The following NMBR variants were observed in gnomAD, a reference collection of about 807,000 sequenced individuals.
NMBR encodes neuromedin B receptor.
Under a neutral mutation model 20.5 loss-of-function variants are expected in NMBR, and 16 were observed. The ratio of observed to expected loss-of-function variants is 0.78; its 90% CI spans 0.53 to 1.19. The LOEUF is 1.19. Among genes scored for constraint, NMBR ranks in the 50% most tolerant of loss-of-function variants. NMBR has a pLI of 0.00. For missense variants in NMBR, 582 were observed against 499.1 expected (o/e 1.17, Z -1.58); for synonymous variants, 212 against 196.6 (o/e 1.08, Z -0.65).
At chr6:142,088,161 G>T in intron 2 of NMBR, 76 bp downstream of exon 2, 1 of 1,433,734 alleles carries the variant, frequency 7.0e-7, no homozygotes, top group Non-Finnish European at 9.5e-7. Context: ...GCCAGTAGGT[G>T]CACTCCGGGT....
intron 1 of NMBR, among the ~76,000 whole-genome samples, chr6:142,125,669 A>T (rs1376970260): frequency 1.3e-5 from 2 of 151,896 alleles, no homozygotes; most frequent in Non-Finnish European, 2.9e-5. Context: ...AACACATAGA[A>T]CAGCACAGCT....
At chr6:142,113,125 G>T (rs945639100) in intron 1 of NMBR, among the ~76,000 whole-genome samples, 1 of 151,570 alleles carries the variant, frequency 6.6e-6, no homozygotes, top group Non-Finnish European at 1.5e-5. Context: ...CTACTTTTAG[G>T]CTCAATTAAG....
chr6:142,145,009 G>A (rs1778407742), intron 1 of NMBR, among the ~76,000 whole-genome samples: 1 of 105,794 alleles, frequency 9.5e-6, no homozygotes, highest in African/African-American at 3.7e-5. Flanking sequence ...GTGACAGAGT[G>A]AGAACCTGTC....
intron 1 of NMBR, among the ~76,000 whole-genome samples, chr6:142,095,059 C>A (rs1777417664): frequency 6.6e-6 from 1 of 152,112 alleles, no homozygotes; most frequent in Non-Finnish European, 1.5e-5. Context: ...TGGGCTGAGA[C>A]AATGGGGTTT....
chr6:142,101,792 T>TA (rs1777570453), intron 1 of NMBR, among the ~76,000 whole-genome samples: 1 of 152,138 alleles, frequency 6.6e-6, no homozygotes, highest in African/African-American at 2.4e-5. Flanking sequence ...CTTCAGGCCT[T>TA]AGCACCACTC....
chr6:142,107,813 A>G (rs1777687207), intron 1 of NMBR, among the ~76,000 whole-genome samples: 1 of 152,074 alleles, frequency 6.6e-6, no homozygotes, highest in South Asian at 2.1e-4. Flanking sequence ...ACTAAAGAAC[A>G]CCATAAAGAA....
In NMBR at chr6:142,085,241, C is replaced by T. The variant is rs138637611; in HGVS notation, c.422+2996G>A. ...GTTGAGGATTAATAATCACAGACAC[C>T]AGCTAGGAGCAGTGGCTCACACTTG... On this transcript the variant is annotated intron_variant, in intron 2 of 3. Transcript: ENST00000258042. Among the ~76,000 whole-genome samples the T allele has an allele frequency of 2.4e-4, 36 of 152,176 alleles. No individual in the cohort carries two copies. In the East Asian group the frequency reaches 5.2e-3, roughly 22 times the overall value.
At chr6:142,145,119 A>G (rs1002002263) in intron 1 of NMBR, among the ~76,000 whole-genome samples, 2 of 151,900 alleles carry the variant, frequency 1.3e-5, no homozygotes, top group East Asian at 1.9e-4. Flanking sequence ...GTAAAATCCA[A>G]CTCCAACCAT....
At chr6:142,140,749 T>G (rs1039975205) in intron 1 of NMBR, among the ~76,000 whole-genome samples, 6 of 152,182 alleles carry the variant, frequency 3.9e-5, no homozygotes. Flanking sequence ...AGATGTATCA[T>G]GCAAATCCTA....
chr6:142,128,117 G>A (rs1778070387), intron 1 of NMBR, among the ~76,000 whole-genome samples: 2 of 151,946 alleles, frequency 1.3e-5, no homozygotes, highest in Admixed American at 6.6e-5. Context: ...GTGAGTGCTC[G>A]TGAGATCTGG....
At chr6:142,112,450 A>T (rs907910266) in intron 1 of NMBR, among the ~76,000 whole-genome samples, 4 of 129,240 alleles carry the variant, frequency 3.1e-5, no homozygotes, top group Admixed American at 3.0e-4. Context: ...AGAAACAATA[A>T]ACATTATGCT....
rs889899786 is a variant in NMBR, at chr6:142,075,797, C to T, written c.1024G>A (p.Gly342Arg). ...CCTCTCTCTTGATAGGACTTCCTCC[C>T]ACAGCAGAGTTGGCTGTTGAAATGC... is the stretch of plus-strand genomic sequence containing the variant. The part of the protein sequence containing the change: ...RRHFNSQLCC[G>R]RKSYQERGTS... The change falls in exon 4 of 4, where the codon GGG (glycine) becomes AGG (arginine). Residue 342 changes from glycine (G) to arginine (R), a missense_variant. By Grantham distance (125) the Gly-to-Arg change is moderately radical (BLOSUM62 -2). Coordinates refer to ENST00000258042, the MANE Select transcript of NMBR (RefSeq NM_002511.4). 1.2e-6 allele frequency: 2 copies of T among 1,613,968 alleles called. No homozygotes were observed. The highest frequency in any genetic ancestry group is 2.7e-5 in the African/African-American group (2 of 74,914).
chr6:142,123,330 T>C (rs934380465), intron 1 of NMBR, among the ~76,000 whole-genome samples: 1 of 151,920 alleles, frequency 6.6e-6, no homozygotes, highest in African/African-American at 2.4e-5. Flanking sequence ...TTGCTTCTTA[T>C]GGATGAGGAA....
chr6:142,144,358 A>G (rs1220542543), intron 1 of NMBR, among the ~76,000 whole-genome samples: 1 of 152,174 alleles, frequency 6.6e-6, no homozygotes, highest in Non-Finnish European at 1.5e-5. Flanking sequence ...GACACAGAAT[A>G]TTTTTATTGT....
intron 1 of NMBR, among the ~76,000 whole-genome samples, chr6:142,144,852 C>A (rs1289403627): frequency 6.6e-6 from 1 of 151,678 alleles, no homozygotes; most frequent in Non-Finnish European, 1.5e-5. Context: ...GAGTTCAAGA[C>A]CTGCCTAGGC....
Position 142,088,532 on chromosome 6 carries a change from G to A in NMBR, c.127C>T (p.Arg43Cys), listed in dbSNP as rs918071854. 1.2e-6 allele frequency: 2 copies of A among 1,613,964 alleles called. No homozygotes were observed. Among genetic ancestry groups the A allele is most frequent in the South Asian group, 1.1e-5 (1 of 91,066 alleles). Residue 43 changes from arginine (R) to cysteine (C), a missense_variant, in exon 2 of 4, where the codon CGC becomes TGC. By Grantham distance (180) the Arg-to-Cys change is radical. Coordinates refer to ENST00000258042, the MANE Select transcript of NMBR (RefSeq NM_002511.4). Reference protein sequence around the residue: ...SDGTTTELVIRCVIPSLYLLI... With the variant: ...SDGTTTELVICCVIPSLYLLI... ...AGGTAGAGGGACGGGATCACACAGC[G>A]GATCACCAACTCCGTGGTGGTCCCG...
chr6:142,100,051 T>C (rs1329142057), intron 1 of NMBR, among the ~76,000 whole-genome samples: 2 of 152,216 alleles, frequency 1.3e-5, no homozygotes, highest in Non-Finnish European at 2.9e-5. Flanking sequence ...ATTACAACTT[T>C]ATTCAAAACA....
At chr6:142,106,752 T>C (rs1312602881) in intron 1 of NMBR, among the ~76,000 whole-genome samples, 1 of 152,220 alleles carries the variant, frequency 6.6e-6, no homozygotes, top group Non-Finnish European at 1.5e-5. Context: ...AGAGCTAAAA[T>C]TTTAGGCCTA....
intron 1 of NMBR, among the ~76,000 whole-genome samples, chr6:142,128,249 T>C (rs1219380562): frequency 1.3e-5 from 2 of 152,112 alleles, no homozygotes; most frequent in East Asian, 3.9e-4. Flanking sequence ...TCCCCAGCCA[T>C]GCTTCCTGTA....
Sources: gnomAD v4.1 joint callset for allele counts (sites outside exome capture counted in the v4.1 genomes callset) on GRCh38, gnomAD v4.1.1 for gene constraint, MANE v1.5 for transcripts, NCBI Gene and HGNC (gene_info 2026-07-23, HGNC 2026-07-21) for gene names.